PANK2: variants seen among roughly 807,000 people sequenced by gnomAD.
PANK2 encodes pantothenate kinase 2, mitochondrial.
PANK2 carries 36 observed loss-of-function variants against 43.1 expected under a neutral mutation model. That is an observed-to-expected ratio of 0.84 (90% CI 0.64 to 1.10). The LOEUF (loss-of-function observed/expected upper bound fraction) is 1.10, where lower values mean the gene tolerates loss of function less well. Ranked by LOEUF, PANK2 falls within the 50% of genes least tolerant of loss-of-function variation. The pLI is 0.00. For missense variants in PANK2, 576 were observed against 593.3 expected, an observed-to-expected ratio of 0.97 and a Z score of 0.30; for synonymous variants, 281 against 238.2, an observed-to-expected ratio of 1.18 and a Z score of -1.66.
chr20:3,901,352 T>A (rs1014925287), intron 1 of PANK2, among the ~76,000 whole-genome samples: 2 of 150,814 alleles, frequency 1.3e-5, no homozygotes, highest in African/African-American at 4.8e-5. Flanking sequence ...CTGGCTGTTT[T>A]GTATTTACTG....
intron 1 of PANK2, among the ~76,000 whole-genome samples, chr20:3,901,306 T>C (rs2090297522): frequency 6.6e-6 from 1 of 151,914 alleles, no homozygotes; most frequent in Admixed American, 6.6e-5. Context: ...CCTTGGCCTC[T>C]CAAAGTGTTG....
At position 3,929,775 on chromosome 20, in the gene PANK2, G is replaced by A. The variant is rs1243641618; in HGVS notation, c.*6481G>A. 6.6e-6 allele frequency: 1 copy of A among 152,266 alleles called. No individual in the cohort carries two copies. The highest frequency in any genetic ancestry group is 2.4e-5 in the African/African-American group (1 of 41,472). The allele number at this position is 152,266 out of a possible 1,614,324, so 9.4% of individuals were successfully genotyped here. The stretch of plus-strand genomic sequence containing the variant: ...GAAAGTCAATCAGAAAAATCTGGTT[G>A]TGCTCTTGGATTAGCTGGGCATTTG... On this transcript the variant is annotated 3_prime_UTR_variant, in exon 7 of 7. Transcript: ENST00000610179.
Position 3,889,770 on chromosome 20 carries a change from C to T in PANK2, c.298+42C>T, listed in dbSNP as rs3737086. 29 of 1,574,662 alleles carry T rather than the reference C, an allele frequency of 1.8e-5. No individual in the cohort carries two copies. In the South Asian group the frequency reaches 2.8e-4, roughly 15 times the overall value. Reference sequence around the variant, plus strand: ...GCGCCCTCCCGGCCCGCCCTGCCCCCCCTTCCGGCCCACCCTGTCCCCTTC... The same window carrying T: ...GCGCCCTCCCGGCCCGCCCTGCCCCTCCTTCCGGCCCACCCTGTCCCCTTC... On this transcript the variant is annotated intron_variant, in intron 1 of 6. Coordinates refer to ENST00000610179, the MANE Select transcript of PANK2 (RefSeq NM_001386393.1).
At chr20:3,911,678 G>C (rs1040675436) in intron 3 of PANK2, among the ~76,000 whole-genome samples, 2 of 151,590 alleles carry the variant, frequency 1.3e-5, no homozygotes, top group Non-Finnish European at 2.9e-5. Flanking sequence ...GATCACCAGA[G>C]GTCGGGAGTT....
intron 1 of PANK2, among the ~76,000 whole-genome samples, chr20:3,905,762 C>T (rs553551104): frequency 1.4e-5 from 2 of 144,350 alleles, no homozygotes; most frequent in South Asian, 4.4e-4. Flanking sequence ...GTCACCCAGG[C>T]TGTAGTGCAG....
chr20:3,889,340 TGCGCGTTGGCGCA>T (rs925233816), upstream of PANK2: 12 of 1,587,074 alleles, frequency 7.6e-6, no homozygotes, highest in African/African-American at 1.6e-4. Context: ...ATTGGCTTCC[TGCGCGTTGGCGCA>T]ACGGAAGAGG....
chr20:3,907,537 A>G (rs979050108), intron 1 of PANK2, among the ~76,000 whole-genome samples: 6 of 152,326 alleles, frequency 3.9e-5, no homozygotes, highest in African/African-American at 1.2e-4. Flanking sequence ...GTTTGCTGCT[A>G]AACCAGAACT....
In PANK2 at chr20:3,916,938, T is replaced by G; in HGVS notation, c.1094T>G (p.Met365Arg). ...TTCCCCCATCACAGCTTTGGAAACA[T>G]GATGAGCAAGGAGAAGCGAGAGGCT... Residue 365 changes from methionine (M) to arginine (R), a missense_variant, in exon 5 of 7, where the codon ATG (methionine) becomes AGG (arginine). By Grantham distance (91) the Met-to-Arg change is moderately conservative (BLOSUM62 -1). Around this residue, in one of 2 missense-constraint regions of PANK2, gnomAD observed 544 missense variants for 528.9 expected, o/e 1.03. Coordinates refer to ENST00000610179, the MANE Select transcript of PANK2 (RefSeq NM_001386393.1). The G allele has an allele frequency of 6.2e-7, 1 of 1,614,014 alleles. No individual in the cohort carries two copies. Among genetic ancestry groups the G allele is most frequent in the Non-Finnish European group, 8.5e-7 (1 of 1,179,984 alleles).
At chr20:3,901,712 C>A in intron 1 of PANK2, 1 of 602,206 alleles carries the variant, frequency 1.7e-6, no homozygotes, top group Non-Finnish European at 2.1e-6. Context: ...TTTCTTAAAG[C>A]TCTTGGATGT....
In PANK2 at chr20:3,912,601, G is replaced by C; in HGVS notation, c.1049G>C (p.Arg350Thr). 1.2e-6 allele frequency: 2 copies of C among 1,614,104 alleles called. No individual in the cohort carries two copies. Among genetic ancestry groups the C allele is most frequent in the Non-Finnish European group, 1.7e-6 (2 of 1,180,016 alleles). Residue 350 changes from arginine to threonine, a missense_variant, in exon 4 of 7, where the codon AGG (arginine) becomes ACG (threonine). By Grantham distance (71) the Arg-to-Thr change is moderately conservative. Around this residue, in one of 2 missense-constraint regions of PANK2, gnomAD observed 544 missense variants for 528.9 expected, o/e 1.03. Coordinates refer to ENST00000610179, the MANE Select transcript of PANK2 (RefSeq NM_001386393.1). ...GATATTTATGGAGGGGACTATGAGA[G>C]GTTTGGACTGCCAGGCTGGGCTGTG...
chr20:3,909,940 T>G (rs542969105), intron 2 of PANK2, among the ~76,000 whole-genome samples: 1 of 152,332 alleles, frequency 6.6e-6, no homozygotes, highest in Non-Finnish European at 1.5e-5. Flanking sequence ...ATACGAATAA[T>G]AATTTAGTCA....
In PANK2 at chr20:3,913,185, A is replaced by G. The variant is rs116511390; in HGVS notation, c.1082+551A>G. ...ATTCCCCCCACAGCCCCTGCCAAAC[A>G]GTAATTTATTTTCAATGTAGGTTTG... On this transcript the variant is annotated intron_variant, in intron 4 of 6. Transcript: ENST00000610179. Among the ~76,000 whole-genome samples the G allele has an allele frequency of 4.3e-3, 656 of 152,138 alleles. 3 individuals are homozygous for G. Among genetic ancestry groups the G allele is most frequent in the African/African-American group, 0.015 (635 of 41,506 alleles).
At chr20:3,921,847 A>G (rs2090651856) in intron 6 of PANK2, 1 of 152,090 alleles carries the variant, frequency 6.6e-6, no homozygotes, top group South Asian at 2.1e-4. Context: ...AGTAGATGGG[A>G]CTACAGGCAC....
rs768507428 is a variant in PANK2, at chr20:3,917,618, C to T, written c.1206+568C>T. ...AAGAGGATCTAGGATCCAGTTGGTG[C>T]AGCTTATGGCTTGTCCCTGTGTGTA... On this transcript the variant is annotated intron_variant, in intron 5 of 6. Transcript: ENST00000610179. The T allele has an allele frequency of 4.7e-5, 23 of 486,240 alleles. No individual in the cohort carries two copies. The Admixed American group carries it at 4.9e-4, about 10-fold the overall frequency. The allele number at this position is 486,240 out of a possible 1,614,324, so 30.1% of individuals were successfully genotyped here. A position where few individuals can be genotyped will look rare whatever the true frequency, so the allele number is the denominator to read the frequency against.
chr20:3,901,653 A>G (rs2146841636), intron 1 of PANK2: 1 of 940,730 alleles, frequency 1.1e-6, no homozygotes, highest in Non-Finnish European at 1.3e-6. Context: ...TATTTTTGTA[A>G]AAGTCAGTAC....
upstream of PANK2, chr20:3,888,832 C>G (rs1051865526): frequency 8.6e-6 from 4 of 466,162 alleles, no homozygotes; most frequent in East Asian, 9.9e-5. Flanking sequence ...GGCGGCTTAG[C>G]CCAAACATGC....
At chr20:3,898,610 A>T (rs2090249474) in intron 1 of PANK2, among the ~76,000 whole-genome samples, 1 of 152,074 alleles carries the variant, frequency 6.6e-6, no homozygotes, top group Non-Finnish European at 1.5e-5. Flanking sequence ...ACTGTCATTC[A>T]TTTAAAAATA....
At chr20:3,922,440 G>T (rs2090661042) in intron 6 of PANK2, among the ~76,000 whole-genome samples, 1 of 152,198 alleles carries the variant, frequency 6.6e-6, no homozygotes, top group African/African-American at 2.4e-5. Flanking sequence ...TCTCAGGAGG[G>T]CTGAGGGCTG....
At chr20:3,894,877 T>C (rs187865024) in intron 1 of PANK2, among the ~76,000 whole-genome samples, 34 of 152,304 alleles carry the variant, frequency 2.2e-4, no homozygotes, top group African/African-American at 9.6e-5. Flanking sequence ...TATATTACTT[T>C]AGGGGCCATG....
Sources: allele counts gnomAD v4.1 joint callset (sites outside exome capture counted in the v4.1 genomes callset), GRCh38; gene constraint gnomAD v4.1.1; regional missense constraint gnomAD v4.1.1; transcripts MANE v1.5; gene names NCBI Gene and HGNC (gene_info 2026-07-23, HGNC 2026-07-21).